MRPL1: variants seen among roughly 807,000 people sequenced by gnomAD.
MRPL1 encodes the protein mitochondrial ribosomal protein L1, also known as large ribosomal subunit protein uL1m.
MRPL1 carries 28 observed loss-of-function variants against 38.0 expected under a neutral mutation model. The ratio of observed to expected loss-of-function variants is 0.74; its 90% confidence interval spans 0.55 to 1.01. MRPL1 has a LOEUF of 1.01. Ranked by LOEUF, MRPL1 falls within the 50% of genes least tolerant of loss-of-function variation. The probability of loss-of-function intolerance (pLI) is 0.00; values close to 1 mark genes in which losing one functional copy is unlikely to be tolerated. For missense variants in MRPL1, 358 were observed against 389.8 expected, an observed-to-expected ratio of 0.92 and a Z score of 0.69; for synonymous variants, 123 against 126.7, an observed-to-expected ratio of 0.97 and a Z score of 0.20.
chr4:77,876,964 G>C (rs2110231867), intron 2 of MRPL1, among the ~76,000 whole-genome samples: 1 of 152,260 alleles, frequency 6.6e-6, no homozygotes, highest in Admixed American at 6.5e-5. Context: ...GCAATGGCGT[G>C]ATCTTGGCTT....
intron 2 of MRPL1, among the ~76,000 whole-genome samples, chr4:77,878,782 G>A (rs1272259406): frequency 6.6e-6 from 1 of 152,144 alleles, no homozygotes; most frequent in Non-Finnish European, 1.5e-5. Flanking sequence ...GGGAGGCTGA[G>A]GCAGGAGAAC....
chr4:77,909,693 G>A (rs1237362124), intron 7 of MRPL1, among the ~76,000 whole-genome samples: 1 of 152,030 alleles, frequency 6.6e-6, no homozygotes, highest in Non-Finnish European at 1.5e-5. Context: ...TTTAGATTTT[G>A]TATGTCCCCC....
chr4:77,914,348 A>G (rs755045929), intron 7 of MRPL1, among the ~76,000 whole-genome samples: 5 of 152,172 alleles, frequency 3.3e-5, no homozygotes, highest in African/African-American at 1.2e-4. Context: ...GTGCATGGTC[A>G]TATTGGGGTG....
chr4:77,921,036 G>A (rs1736560532), intron 7 of MRPL1, among the ~76,000 whole-genome samples: 1 of 152,174 alleles, frequency 6.6e-6, no homozygotes, highest in Admixed American at 6.5e-5. Flanking sequence ...TAGGATTACA[G>A]GCATGAGCCA....
At chr4:77,921,770 GAGT>G (rs1228573549) in intron 7 of MRPL1, among the ~76,000 whole-genome samples, 1 of 145,854 alleles carries the variant, frequency 6.9e-6, no homozygotes. Context: ...CTTTCGTGCA[GAGT>G]TTTTTTTTTT....
chr4:77,872,713 A>C (rs1735310639), intron 2 of MRPL1, among the ~76,000 whole-genome samples: 1 of 152,116 alleles, frequency 6.6e-6, no homozygotes, highest in Non-Finnish European at 1.5e-5. Flanking sequence ...AACTACAAAA[A>C]TTGGCCGGGT....
rs576295825 is a variant in MRPL1 at position 77,907,221 on chromosome 4, G to A, written c.671-2045G>A. ...AATTAAATTTTCAAGGTAAGTTATG[G>A]TATAGTGGAATATACCATATTTTTG... On this transcript the variant is annotated intron_variant, in intron 6 of 8. Coordinates refer to ENST00000315567, the MANE Select transcript of MRPL1 (RefSeq NM_020236.4). 162 of 954,186 alleles carry A rather than the reference G, an allele frequency of 1.7e-4. 1 individual carries two copies. In the African/African-American group the frequency reaches 1.9e-3, roughly 11 times the overall value. 59.1% of individuals were successfully genotyped at this position (954,186 alleles called of 1,614,324 possible). A position where few individuals can be genotyped will look rare whatever the true frequency, so the allele number is the denominator to read the frequency against.
At chr4:77,916,063 A>G (rs1033092289) in intron 7 of MRPL1, among the ~76,000 whole-genome samples, 1 of 152,204 alleles carries the variant, frequency 6.6e-6, no homozygotes, top group Non-Finnish European at 1.5e-5. Context: ...TTTTCCCCCA[A>G]TGGCTCTTTC....
intron 6 of MRPL1, among the ~76,000 whole-genome samples, chr4:77,899,981 T>G (rs964471702): frequency 2.0e-5 from 3 of 152,228 alleles, no homozygotes; most frequent in Admixed American, 6.5e-5. Context: ...TACTGTGACC[T>G]TGAGCAAACT....
At chr4:77,930,953 G>C (rs971136737) in intron 7 of MRPL1, among the ~76,000 whole-genome samples, 9 of 152,168 alleles carry the variant, frequency 5.9e-5, no homozygotes, top group Non-Finnish European at 8.8e-5. Flanking sequence ...TCAATGACGA[G>C]ACAGCAGAAG....
intron 7 of MRPL1, among the ~76,000 whole-genome samples, chr4:77,921,453 A>G (rs1455722556): frequency 1.3e-5 from 2 of 152,336 alleles, no homozygotes; most frequent in Admixed American, 1.3e-4. Flanking sequence ...ATGAAATAAG[A>G]GAACAAGTTA....
At chr4:77,910,383 G>C (rs1000306621) in intron 7 of MRPL1, among the ~76,000 whole-genome samples, 2 of 152,114 alleles carry the variant, frequency 1.3e-5, no homozygotes, top group Non-Finnish European at 2.9e-5. Flanking sequence ...AGTAGTCCAA[G>C]CTCATTGAGC....
chr4:77,922,407 A>G (rs180823019), intron 7 of MRPL1, among the ~76,000 whole-genome samples: 90 of 152,310 alleles, frequency 5.9e-4, no homozygotes, highest in African/African-American at 2.0e-3. Context: ...TAGTAAGGCT[A>G]CTGTCTTTTA....
intron 7 of MRPL1, among the ~76,000 whole-genome samples, chr4:77,941,845 G>GT (rs975334479): frequency 4.5e-4 from 69 of 151,886 alleles, no homozygotes; most frequent in African/African-American, 1.5e-3. Flanking sequence ...CTTTTGTATT[G>GT]TTTTTTGTTT....
intron 7 of MRPL1, among the ~76,000 whole-genome samples, chr4:77,910,472 A>G (rs1475595167): frequency 1.3e-5 from 2 of 152,190 alleles, no homozygotes; most frequent in African/African-American, 4.8e-5. Flanking sequence ...CCCCATCTCT[A>G]TAAAAAATAC....
At chr4:77,868,504 G>A (rs1735206392) in intron 1 of MRPL1, among the ~76,000 whole-genome samples, 1 of 152,114 alleles carries the variant, frequency 6.6e-6, no homozygotes, top group African/African-American at 2.4e-5. Context: ...ACCTCCCAAA[G>A]TGCTGGGATT....
At chr4:77,895,267 T>C (rs1348276677) in intron 6 of MRPL1, among the ~76,000 whole-genome samples, 2 of 152,116 alleles carry the variant, frequency 1.3e-5, no homozygotes, top group Non-Finnish European at 2.9e-5. Context: ...CTAATAAATG[T>C]AATGTTTAAG....
At chr4:77,898,127 A>T (rs1300720696) in intron 6 of MRPL1, among the ~76,000 whole-genome samples, 2 of 152,138 alleles carry the variant, frequency 1.3e-5, no homozygotes, top group Non-Finnish European at 2.9e-5. Context: ...TCACTTTCTC[A>T]TTCGAACATC....
chr4:77,910,082 T>C (rs1475571042), intron 7 of MRPL1, among the ~76,000 whole-genome samples: 2 of 152,202 alleles, frequency 1.3e-5, no homozygotes, highest in Non-Finnish European at 2.9e-5. Flanking sequence ...TCAGTTGCTA[T>C]TCTAAACAAT....
Sources: gnomAD v4.1 joint callset for allele counts (sites outside exome capture counted in the v4.1 genomes callset) on GRCh38, gnomAD v4.1.1 for gene constraint, MANE v1.5 for transcripts, NCBI Gene and HGNC (gene_info 2026-07-23, HGNC 2026-07-21) for gene names.